Variants in SUN1 observed in about 807,000 individuals in gnomAD.
SUN1 encodes the protein Sad1 and UNC84 domain containing 1, also known as SUN domain-containing protein 1.
A neutral mutation model predicts 103.2 loss-of-function variants in SUN1; 61 were observed. The ratio of observed to expected loss-of-function variants is 0.59; its 90% CI spans 0.48 to 0.73. SUN1 has a LOEUF of 0.73. SUN1 is among the 30% of genes least tolerant of loss of function. The probability of loss-of-function intolerance (pLI) is 0.00; values close to 1 mark genes in which losing one functional copy is unlikely to be tolerated. For synonymous variants in SUN1, 490 were observed against 425.7 expected, an observed-to-expected ratio of 1.15 and a Z score of -1.86; for missense variants, 1,052 against 1,034.6, an observed-to-expected ratio of 1.02 and a Z score of -0.23.
chr7:874,888 TA>T lies in SUN1; in HGVS notation c.*1559del, dbSNP rs1843484433. The T allele has an allele frequency of 1.3e-5, 2 of 152,252 alleles. No homozygotes were observed. The highest frequency in any genetic ancestry group is 2.9e-5 in the Non-Finnish European group (2 of 68,048). 9.4% of individuals were successfully genotyped at this position (152,252 alleles called of 1,614,324 possible). On this transcript the variant is annotated 3_prime_UTR_variant, in exon 19 of 19. Transcript: ENST00000401592. ...ATTAAGAGGTTTAAATAAAGAGTTTTAATTTTTAAAAGGGCATGGGATATAA... is the reference window on the plus strand; with the variant it reads ...ATTAAGAGGTTTAAATAAAGAGTTTTATTTTTAAAAGGGCATGGGATATAA...
intron 16 of SUN1, among the ~76,000 whole-genome samples, chr7:868,044 A>G (rs112282167): frequency 0.013 from 1,989 of 152,322 alleles, 21 homozygotes; most frequent in Non-Finnish European, 0.02. Context: ...CCGTCTTCAC[A>G]GCGCGGTAGA....
At chr7:826,190 G>A (rs1791658374) in intron 1 of SUN1, among the ~76,000 whole-genome samples, 1 of 150,352 alleles carries the variant, frequency 6.7e-6, no homozygotes, top group South Asian at 2.1e-4. Context: ...TCACGCCCCT[G>A]GCACTCTAGC....
At chr7:855,484 C>T (rs901613246) in intron 11 of SUN1, among the ~76,000 whole-genome samples, 10 of 152,172 alleles carry the variant, frequency 6.6e-5, no homozygotes, top group African/African-American at 1.4e-4. Flanking sequence ...CATGGGGAGT[C>T]GGGTCGGGCT....
chr7:826,237 A>C (rs1791718900), intron 1 of SUN1, among the ~76,000 whole-genome samples: 1 of 152,170 alleles, frequency 6.6e-6, no homozygotes, highest in African/African-American at 2.4e-5. Context: ...CTTAAAATAC[A>C]TACATAAGAA....
At chr7:837,142 T>G (rs577652109) in intron 1 of SUN1, among the ~76,000 whole-genome samples, 1 of 152,264 alleles carries the variant, frequency 6.6e-6, no homozygotes, top group East Asian at 1.9e-4. Flanking sequence ...AGCAGGACAG[T>G]GGGCTGGGGA....
intron 16 of SUN1, 137 bp from the exon 17 acceptor site, chr7:869,212 C>T (rs572323952): frequency 1.4e-5 from 15 of 1,050,836 alleles, no homozygotes; most frequent in Middle Eastern, 2.5e-4. Context: ...CCCAGCTTAT[C>T]TTCGGATTTT....
chr7:823,526 G>C (rs1562484220), intron 1 of SUN1, among the ~76,000 whole-genome samples: 1 of 151,966 alleles, frequency 6.6e-6, no homozygotes, highest in African/African-American at 2.4e-5. Flanking sequence ...GTAAATGGGT[G>C]GGGAGGAGAG....
chr7:822,932 A>G (rs556448131), intron 1 of SUN1, among the ~76,000 whole-genome samples: 58 of 151,898 alleles, frequency 3.8e-4, no homozygotes, highest in African/African-American at 1.0e-3. Flanking sequence ...TCCCACACAC[A>G]CACGGCCCTG....
At chr7:871,649 A>C (rs1841788358) in intron 17 of SUN1, among the ~76,000 whole-genome samples, 1 of 152,160 alleles carries the variant, frequency 6.6e-6, no homozygotes, top group Admixed American at 6.5e-5. Flanking sequence ...CGGCCTCCCA[A>C]AGTGCTGGGA....
chr7:860,200 C>G lies in SUN1; in HGVS notation c.1597C>G (p.Leu533Val). The G allele has an allele frequency of 1.2e-6, 2 of 1,614,270 alleles. No homozygotes were observed. The highest frequency in any genetic ancestry group is 1.7e-6 in the Non-Finnish European group (2 of 1,180,050). Reference protein sequence around the residue: ...EDQQGGSLEQLLQRFSSQFVS... With the variant: ...EDQQGGSLEQVLQRFSSQFVS... ...TCAGCAAGGCGGTTCTCTGGAACAGCTGCTGCAGAGGTTCTCATCACAGTT... is the reference window on the plus strand; with the variant it reads ...TCAGCAAGGCGGTTCTCTGGAACAGGTGCTGCAGAGGTTCTCATCACAGTT... Residue 533 changes from leucine to valine, a missense_variant, in exon 14 of 19, where the codon CTG becomes GTG. Leu to Val is a conservative substitution (Grantham distance 32). Around this residue, in one of 2 missense-constraint regions of SUN1, gnomAD observed 846 missense variants for 774.5 expected, o/e 1.09. Coordinates refer to ENST00000401592, the MANE Select transcript of SUN1 (RefSeq NM_001130965.3).
intron 15 of SUN1, among the ~76,000 whole-genome samples, chr7:865,353 C>T (rs1259354780): frequency 1.3e-5 from 2 of 152,146 alleles, no homozygotes; most frequent in Admixed American, 6.5e-5. Flanking sequence ...TCAAGTGATC[C>T]ACCGGCCTCG....
chr7:820,158 G>T (rs888087784), intron 1 of SUN1, among the ~76,000 whole-genome samples: 1 of 152,192 alleles, frequency 6.6e-6, no homozygotes. Context: ...GTACATCACT[G>T]TGGGGGTACT....
intron 2 of SUN1, 40 bp from the exon 3 acceptor site, chr7:841,906 A>T: frequency 6.3e-7 from 1 of 1,598,434 alleles, no homozygotes; most frequent in Non-Finnish European, 8.5e-7. Flanking sequence ...TGTATTTGCT[A>T]GAAAAGATCT....
chr7:821,889 C>T (rs7785538), intron 1 of SUN1, among the ~76,000 whole-genome samples: 60,109 of 152,030 alleles, frequency 0.4, 12,144 homozygotes, highest in East Asian at 0.5. Flanking sequence ...CCAGTGTCGT[C>T]GGCCTCACCT....
chr7:843,301 C>G (rs755062523), intron 4 of SUN1, 40 bp from the exon 5 acceptor site: 1 of 1,602,430 alleles, frequency 6.2e-7, no homozygotes. Context: ...TATCTGCAGA[C>G]TGTGATAAAC....
Position 853,568 on chromosome 7 carries a change from G to T in SUN1, c.1213G>T (p.Ala405Ser). 1 of 1,610,474 alleles carries T rather than the reference G, an allele frequency of 6.2e-7. No homozygotes were observed. ...ARVDQMEGGA[A>S]GPSASVRDAV... ...GGTGGACCAGATGGAAGGCGGCGCT[G>T]CCGGGCCGTCAGCTTCGGTCAGAGA... is the stretch of plus-strand genomic sequence containing the variant. Residue 405 changes from alanine to serine, a missense_variant, in exon 10 of 19, where the codon GCC (alanine) becomes TCC (serine). Ala to Ser is a moderately conservative substitution (Grantham distance 99). This residue lies in a region of SUN1 where 846 missense variants were observed against 774.5 expected (regional missense o/e 1.09). Transcript: ENST00000401592.
At chr7:836,674 G>A (rs544143623) in intron 1 of SUN1, among the ~76,000 whole-genome samples, 1 of 152,312 alleles carries the variant, frequency 6.6e-6, no homozygotes, top group Admixed American at 6.5e-5. Flanking sequence ...CTGACTGGAG[G>A]GCAGTCTGCT....
chr7:864,815 G>A (rs1835112120), intron 15 of SUN1, among the ~76,000 whole-genome samples: 1 of 152,106 alleles, frequency 6.6e-6, no homozygotes, highest in East Asian at 1.9e-4. Context: ...TTTTAGTAGA[G>A]ATGGAGTTTC....
At chr7:869,250 C>T in intron 16 of SUN1, 99 bp from the exon 17 acceptor site, 1 of 1,431,730 alleles carries the variant, frequency 7.0e-7, no homozygotes, top group Non-Finnish European at 9.3e-7. Flanking sequence ...CCATGTAAAA[C>T]TTATTTTTAT....
Sources: allele counts gnomAD v4.1 joint callset (sites outside exome capture counted in the v4.1 genomes callset), GRCh38; gene constraint gnomAD v4.1.1; regional missense constraint gnomAD v4.1.1; transcripts MANE v1.5; gene names NCBI Gene and HGNC (gene_info 2026-07-23, HGNC 2026-07-21).